The following CSMD3 variants were observed in gnomAD, a reference collection of about 807,000 sequenced individuals.
CSMD3 encodes CUB and Sushi multiple domains 3.
CSMD3 carries 177 observed loss-of-function variants against 435.2 expected under a neutral mutation model. The observed-to-expected ratio is 0.41, with a 90% CI of 0.36 to 0.46. CSMD3 has a LOEUF of 0.46. CSMD3 is among the 20% of genes least tolerant of loss of function. The pLI is 0.34. For synonymous variants in CSMD3, 1,656 were observed against 1,520.5 expected (o/e 1.09, Z -2.07); for missense variants, 4,265 against 4,504.6 (o/e 0.95, Z 1.52).
chr8:112,242,828 A>G (rs1814294679), intron 65 of CSMD3, among the ~76,000 whole-genome samples: 2 of 152,242 alleles, frequency 1.3e-5, no homozygotes, highest in South Asian at 2.1e-4. Context: ...TAAGCCAGAA[A>G]TATTAGTTTG....
intron 5 of CSMD3, among the ~76,000 whole-genome samples, chr8:113,079,599 G>A (rs1269585219): frequency 6.6e-6 from 1 of 152,092 alleles, no homozygotes; most frequent in Non-Finnish European, 1.5e-5. Context: ...TGCTAGGACT[G>A]AAACCTCAGT....
chr8:112,294,514 A>G (rs1317409092), intron 54 of CSMD3, among the ~76,000 whole-genome samples: 1 of 152,114 alleles, frequency 6.6e-6, no homozygotes, highest in Non-Finnish European at 1.5e-5. Flanking sequence ...ATAGATTGTG[A>G]TCTGAAACAC....
intron 13 of CSMD3, among the ~76,000 whole-genome samples, chr8:112,740,111 T>G (rs1296111387): frequency 6.6e-6 from 1 of 151,792 alleles, no homozygotes; most frequent in Admixed American, 6.6e-5. Context: ...TATACAAATA[T>G]TTTGAATTTT....
chr8:112,306,556 A>C (rs1821440115), intron 50 of CSMD3, among the ~76,000 whole-genome samples: 1 of 152,192 alleles, frequency 6.6e-6, no homozygotes, highest in Non-Finnish European at 1.5e-5. Context: ...TCATATAGCA[A>C]GTTTGATTAA....
chr8:113,209,374 A>G (rs1383479981), intron 3 of CSMD3, among the ~76,000 whole-genome samples: 1 of 152,134 alleles, frequency 6.6e-6, no homozygotes, highest in Non-Finnish European at 1.5e-5. Flanking sequence ...GAGTCATTCC[A>G]TTATATCTAA....
intron 22 of CSMD3, among the ~76,000 whole-genome samples, chr8:112,616,178 T>G (rs564189479): frequency 2.6e-5 from 4 of 152,158 alleles, no homozygotes; most frequent in Non-Finnish European, 4.4e-5. Context: ...ATAATTACAG[T>G]GCCAAATTTG....
chr8:112,822,634 T>C (rs1563995404), intron 12 of CSMD3, among the ~76,000 whole-genome samples: 1 of 151,712 alleles, frequency 6.6e-6, no homozygotes, highest in Non-Finnish European at 1.5e-5. Flanking sequence ...TATTTCTCTT[T>C]ATTTCCTCTC....
At chr8:113,223,790 A>C (rs2132145011) in intron 3 of CSMD3, among the ~76,000 whole-genome samples, 1 of 148,634 alleles carries the variant, frequency 6.7e-6, no homozygotes, top group East Asian at 2.0e-4. Context: ...GTGTCGGTAA[A>C]GTATTCATGT....
chr8:112,373,599 G>A (rs1288843913), intron 38 of CSMD3, among the ~76,000 whole-genome samples: 1 of 151,956 alleles, frequency 6.6e-6, no homozygotes, highest in East Asian at 1.9e-4. Flanking sequence ...CCAGCATTTT[G>A]AGGCACCTTA....
chr8:112,674,517 C>T (rs2075729749), intron 16 of CSMD3, among the ~76,000 whole-genome samples: 2 of 152,040 alleles, frequency 1.3e-5, no homozygotes, highest in African/African-American at 4.8e-5. Context: ...CTGTCTGCTC[C>T]CATCCCTGAC....
intron 13 of CSMD3, among the ~76,000 whole-genome samples, chr8:112,706,948 T>G (rs1246614142): frequency 6.6e-6 from 1 of 152,070 alleles, no homozygotes. Context: ...TTACTTAACC[T>G]GTCTATTTTT....
intron 10 of CSMD3, among the ~76,000 whole-genome samples, chr8:112,899,082 T>C (rs1459967941): frequency 1.3e-5 from 2 of 151,230 alleles, no homozygotes; most frequent in Non-Finnish European, 3.0e-5. Context: ...AACTCGGACA[T>C]GTACACCATG....
chr8:113,099,028 G>A (rs1402788322), intron 4 of CSMD3, 65 bp from the exon 5 acceptor site: 1 of 998,770 alleles, frequency 1.0e-6, no homozygotes, highest in Non-Finnish European at 1.6e-6. Flanking sequence ...TCAGTTGTAA[G>A]TAAAGCAAGT....
chr8:112,882,284 G>C (rs949775616), intron 10 of CSMD3, among the ~76,000 whole-genome samples: 1 of 151,914 alleles, frequency 6.6e-6, no homozygotes, highest in Non-Finnish European at 1.5e-5. Context: ...TCCCCAGGTA[G>C]CTTCCTTCAC....
chr8:112,752,349 A>G (rs1367254792), intron 13 of CSMD3, among the ~76,000 whole-genome samples: 2 of 152,020 alleles, frequency 1.3e-5, no homozygotes, highest in East Asian at 3.9e-4. Context: ...CAATCTCATA[A>G]TCTTATGCTT....
At chr8:112,274,168 A>G (rs1019738696) in intron 59 of CSMD3, among the ~76,000 whole-genome samples, 2 of 152,034 alleles carry the variant, frequency 1.3e-5, no homozygotes, top group Non-Finnish European at 2.9e-5. Context: ...GTGGAGTAAC[A>G]AGGAAGAATT....
At chr8:113,073,438 C>A (rs1036273158) in intron 5 of CSMD3, among the ~76,000 whole-genome samples, 2 of 151,812 alleles carry the variant, frequency 1.3e-5, no homozygotes, top group East Asian at 3.9e-4. Flanking sequence ...ACAAGTAATT[C>A]TTACTGCTCA....
chr8:112,432,894 A>G (rs1813863809), intron 32 of CSMD3, among the ~76,000 whole-genome samples: 1 of 135,234 alleles, frequency 7.4e-6, no homozygotes. Context: ...TGGGAAACGT[A>G]GCAAGGCTCC....
At chr8:113,107,661 G>T (rs1173084268) in intron 4 of CSMD3, among the ~76,000 whole-genome samples, 1 of 152,174 alleles carries the variant, frequency 6.6e-6, no homozygotes, top group Non-Finnish European at 1.5e-5. Context: ...CAAAACAAGG[G>T]TTGTGTTAGT....
Sources: allele counts gnomAD v4.1 joint callset (sites outside exome capture counted in the v4.1 genomes callset), GRCh38; gene constraint gnomAD v4.1.1; transcripts MANE v1.5; gene names NCBI Gene and HGNC (gene_info 2026-07-23, HGNC 2026-07-21).